Variants in DYRK1A observed in about 807,000 individuals in gnomAD.
DYRK1A encodes the protein dual specificity tyrosine phosphorylation regulated kinase 1A, also known as dual specificity tyrosine-phosphorylation-regulated kinase 1A.
Under a neutral mutation model 79.7 loss-of-function variants are expected in DYRK1A, and 9 were observed. That is an observed-to-expected ratio of 0.11 (90% CI 0.07 to 0.20). The LOEUF is 0.20. Ranked by LOEUF, DYRK1A falls within the 10% of genes least tolerant of loss-of-function variation. The pLI is 1.00. For synonymous variants in DYRK1A, 349 were observed against 329.7 expected, an observed-to-expected ratio of 1.06 and a Z score of -0.63; for missense variants, 622 against 956.0, an observed-to-expected ratio of 0.65 and a Z score of 4.61.
At chr21:37,401,176 G>C (rs1313665948) in intron 1 of DYRK1A, among the ~76,000 whole-genome samples, 2 of 151,922 alleles carry the variant, frequency 1.3e-5, no homozygotes, top group African/African-American at 4.8e-5. Context: ...GTTATAATTG[G>C]ACTATATTTT....
In DYRK1A at chr21:37,488,278, G is replaced by A. The variant is rs556893373; in HGVS notation, c.637+1664G>A. ...AATGCATAACGTCTCAAGAAACTGA[G>A]ATTCTGTTTGGAAAACAAAAGAACT... On this transcript the variant is annotated intron_variant, in intron 6 of 11. Transcript: ENST00000647188. 8 of 929,202 alleles carry A rather than the reference G, an allele frequency of 8.6e-6. No individual in the cohort carries two copies. The South Asian group carries it at 1.5e-4, about 17-fold the overall frequency. The allele number at this position is 929,202 out of a possible 1,614,324, so 57.6% of individuals were successfully genotyped here.
chr21:37,376,955 A>G (rs1014065149), intron 1 of DYRK1A, among the ~76,000 whole-genome samples: 1 of 152,174 alleles, frequency 6.6e-6, no homozygotes, highest in African/African-American at 2.4e-5. Context: ...TATATATATT[A>G]TACTTTTAGT....
intron 2 of DYRK1A, among the ~76,000 whole-genome samples, chr21:37,450,505 T>C (rs548250947): frequency 2.6e-5 from 4 of 152,310 alleles, no homozygotes; most frequent in Admixed American, 6.5e-5. Flanking sequence ...TACTCACTCA[T>C]TGAATAAATA....
chr21:37,476,232 ACT>A (rs2052388847), intron 3 of DYRK1A, among the ~76,000 whole-genome samples: 2 of 151,726 alleles, frequency 1.3e-5, no homozygotes, highest in South Asian at 4.2e-4. Flanking sequence ...AACGTTGGAG[ACT>A]CTGGTTTCGC....
chr21:37,395,483 C>T (rs2049944249), intron 1 of DYRK1A, among the ~76,000 whole-genome samples: 1 of 152,048 alleles, frequency 6.6e-6, no homozygotes. Context: ...TTGTGGCCCT[C>T]CAGAAGTTAA....
chr21:37,475,587 C>CAT (rs1369592381), intron 3 of DYRK1A, among the ~76,000 whole-genome samples: 1 of 152,004 alleles, frequency 6.6e-6, no homozygotes, highest in East Asian at 1.9e-4. Context: ...TTGTTCTTTC[C>CAT]ATGTATTTTG....
At chr21:37,377,412 C>T (rs544551708) in intron 1 of DYRK1A, among the ~76,000 whole-genome samples, 1 of 152,136 alleles carries the variant, frequency 6.6e-6, no homozygotes, top group Admixed American at 6.5e-5. Context: ...AGCCACCGTG[C>T]CCCGCATTTT....
chr21:37,370,345 G>T (rs1457507901), intron 1 of DYRK1A, among the ~76,000 whole-genome samples: 3 of 150,136 alleles, frequency 2.0e-5, no homozygotes, highest in Non-Finnish European at 3.0e-5. Flanking sequence ...AGGTGTTTTC[G>T]TGTGTCTGTT....
intron 2 of DYRK1A, among the ~76,000 whole-genome samples, chr21:37,423,005 A>G (rs1002362217): frequency 1.3e-5 from 2 of 152,146 alleles, no homozygotes; most frequent in African/African-American, 4.8e-5. Context: ...ATTTGTTAAC[A>G]AACATTTATT....
chr21:37,488,468 T>A (rs868324676), intron 6 of DYRK1A: 2 of 750,596 alleles, frequency 2.7e-6, no homozygotes, highest in Non-Finnish European at 1.6e-6. Flanking sequence ...AACATCTACT[T>A]CTTTACTGTG....
chr21:37,511,298 ATTTG>A (rs2053741811), intron 11 of DYRK1A, among the ~76,000 whole-genome samples: 1 of 152,170 alleles, frequency 6.6e-6, no homozygotes, highest in Admixed American at 6.5e-5. Flanking sequence ...AAGTGATTGG[ATTTG>A]TGTTAAGAAA....
chr21:37,366,009 C>G (rs1298959929), upstream of DYRK1A: 1 of 152,130 alleles, frequency 6.6e-6, no homozygotes, highest in African/African-American at 2.4e-5. Flanking sequence ...GCGCAGCGTC[C>G]GGAATTCCTG....
At chr21:37,386,438 A>G (rs2049762128) in intron 1 of DYRK1A, among the ~76,000 whole-genome samples, 1 of 152,186 alleles carries the variant, frequency 6.6e-6, no homozygotes, top group African/African-American at 2.4e-5. Context: ...ACGAAATTGA[A>G]GACACCGTTT....
chr21:37,440,529 A>T (rs2148476138), intron 2 of DYRK1A, among the ~76,000 whole-genome samples: 2 of 152,282 alleles, frequency 1.3e-5, no homozygotes, highest in African/African-American at 4.8e-5. Flanking sequence ...TTAATGCTAT[A>T]ATATTCTCCG....
At chr21:37,481,096 T>A (rs187616657) in intron 5 of DYRK1A, 114 of 315,502 alleles carry the variant, frequency 3.6e-4, no homozygotes, top group African/African-American at 2.1e-3. Context: ...TAGATAGTAT[T>A]GCCTCTTTGT....
At chr21:37,486,076 A>G (rs1346246415) in intron 5 of DYRK1A, 1 of 152,588 alleles carries the variant, frequency 6.6e-6, no homozygotes, top group African/African-American at 2.4e-5. Context: ...TCTCTCATTA[A>G]AAGAATAGTT....
intron 2 of DYRK1A, among the ~76,000 whole-genome samples, chr21:37,459,293 A>T (rs181968786): frequency 6.6e-6 from 1 of 152,212 alleles, no homozygotes; most frequent in African/African-American, 2.4e-5. Flanking sequence ...CCATTTTTGT[A>T]AAACTTGTGA....
At chr21:37,403,115 T>C (rs73216435) in intron 1 of DYRK1A, among the ~76,000 whole-genome samples, 2,343 of 152,214 alleles carry the variant, frequency 0.015, 31 homozygotes, top group Non-Finnish European at 0.025. Flanking sequence ...TGATTTTTTT[T>C]CCCTACCATC....
At chr21:37,453,994 A>G (rs1041649388) in intron 2 of DYRK1A, among the ~76,000 whole-genome samples, 19 of 151,296 alleles carry the variant, frequency 1.3e-4, no homozygotes, top group African/African-American at 3.6e-4. Context: ...AATATAAAAT[A>G]AGGTTATTTT....
Sources: gnomAD v4.1 joint callset for allele counts (sites outside exome capture counted in the v4.1 genomes callset) on GRCh38, gnomAD v4.1.1 for gene constraint, MANE v1.5 for transcripts, NCBI Gene and HGNC (gene_info 2026-07-23, HGNC 2026-07-21) for gene names.